NRXN3: variants seen among roughly 807,000 people sequenced by gnomAD.
NRXN3 encodes neurexin III.
Under a neutral mutation model 137.6 loss-of-function variants are expected in NRXN3, and 32 were observed. The observed-to-expected ratio is 0.23, with a 90% CI of 0.18 to 0.31. NRXN3 has a LOEUF of 0.31. NRXN3 is among the 10% of genes least tolerant of loss of function. NRXN3 has a pLI of 1.00. For missense variants in NRXN3, 1,574 were observed against 2,062.5 expected (o/e 0.76, Z 4.59); for synonymous variants, 798 against 784.5 (o/e 1.02, Z -0.29).
chr14:78,255,899 G>C (rs537490470), intron 2 of NRXN3, among the ~76,000 whole-genome samples: 3 of 152,326 alleles, frequency 2.0e-5, no homozygotes, highest in Admixed American at 6.5e-5. Flanking sequence ...AAGTATATCT[G>C]TTGAATAAAT....
chr14:79,766,382 C>T (rs1346988162), intron 19 of NRXN3, among the ~76,000 whole-genome samples: 1 of 152,150 alleles, frequency 6.6e-6, no homozygotes, highest in Non-Finnish European at 1.5e-5. Flanking sequence ...TCTTATGTAT[C>T]AGTGAGTTAT....
intron 15 of NRXN3, among the ~76,000 whole-genome samples, chr14:79,002,576 C>A (rs796469717): frequency 6.6e-6 from 1 of 152,038 alleles, no homozygotes. Flanking sequence ...GCATAGTATT[C>A]CGTGGTGTAT....
intron 15 of NRXN3, among the ~76,000 whole-genome samples, chr14:79,348,378 C>CTCTCTCTTTTTTTTTTTTTTTT (rs535595782): frequency 7.4e-6 from 1 of 135,974 alleles, no homozygotes; most frequent in African/African-American, 2.9e-5. Context: ...AATCTTCTCT[C>CTCTCTCTTTTTTTTTTTTTTTT]TTTTTTTTTT....
chr14:78,584,788 C>A (rs938412519), intron 4 of NRXN3, among the ~76,000 whole-genome samples: 1 of 152,208 alleles, frequency 6.6e-6, no homozygotes. Context: ...AGGCCGTGTT[C>A]TAGCGTCAAA....
intron 15 of NRXN3, among the ~76,000 whole-genome samples, chr14:79,434,864 G>A (rs746335008): frequency 2.0e-5 from 3 of 152,120 alleles, no homozygotes; most frequent in Non-Finnish European, 2.9e-5. Flanking sequence ...TTGCATAAAC[G>A]GATCTGAGTC....
At chr14:79,465,021 C>T (rs2096403392) in intron 15 of NRXN3, among the ~76,000 whole-genome samples, 1 of 152,064 alleles carries the variant, frequency 6.6e-6, no homozygotes. Flanking sequence ...TAGCAGAATC[C>T]ACTATATATT....
intron 1 of NRXN3, among the ~76,000 whole-genome samples, chr14:78,235,027 T>C (rs577638822): frequency 1.0e-3 from 67 of 66,400 alleles, no homozygotes; most frequent in African/African-American, 3.7e-3. Flanking sequence ...TATATATGTG[T>C]ATATATATAT....
intron 15 of NRXN3, among the ~76,000 whole-genome samples, chr14:79,206,989 G>T (rs748505593): frequency 6.6e-6 from 1 of 152,076 alleles, no homozygotes; most frequent in Non-Finnish European, 1.5e-5. Flanking sequence ...ACAGATGTTA[G>T]CCTGTTCACA....
rs1187691942 is a variant in NRXN3 at position 78,653,388 on chromosome 14, T to C, written c.1221+2062T>C. Among the ~76,000 whole-genome samples the C allele has an allele frequency of 3.9e-5, 6 of 152,324 alleles. No homozygotes were observed. In the Middle Eastern group the frequency reaches 0.01, roughly 259 times the overall value. On this transcript the variant is annotated intron_variant, in intron 6 of 20. Transcript: ENST00000335750. ...CATCAGAAAAAGACTGCAACATTCT[T>C]GTTACCAAGGACATGGCTCAGGAAT...
chr14:79,476,339 C>T (rs751780119), intron 16 of NRXN3, among the ~76,000 whole-genome samples: 1 of 151,972 alleles, frequency 6.6e-6, no homozygotes. Flanking sequence ...CAGATAGTAC[C>T]GACAGCCAGA....
At chr14:78,406,734 C>A (rs2092509094) in intron 4 of NRXN3, among the ~76,000 whole-genome samples, 1 of 152,204 alleles carries the variant, frequency 6.6e-6, no homozygotes, top group African/African-American at 2.4e-5. Flanking sequence ...CCAGTGCCCA[C>A]TGATCCCAAA....
At chr14:79,022,301 T>G (rs2099591068) in intron 15 of NRXN3, among the ~76,000 whole-genome samples, 1 of 152,206 alleles carries the variant, frequency 6.6e-6, no homozygotes, top group African/African-American at 2.4e-5. Context: ...GCTAGTACAA[T>G]GTACCATGTG....
intron 15 of NRXN3, among the ~76,000 whole-genome samples, chr14:79,459,528 C>T (rs117501777): frequency 1.3e-5 from 2 of 152,112 alleles, no homozygotes; most frequent in East Asian, 3.9e-4. Flanking sequence ...AAAGCCAGCA[C>T]TGCTAACACT....
chr14:79,034,830 A>G (rs1192321539), intron 15 of NRXN3, among the ~76,000 whole-genome samples: 1 of 152,150 alleles, frequency 6.6e-6, no homozygotes, highest in Non-Finnish European at 1.5e-5. Context: ...TGAGTTTTAT[A>G]CAACATTCTC....
At chr14:79,735,391 C>A (rs1242367013) in intron 19 of NRXN3, among the ~76,000 whole-genome samples, 2 of 152,074 alleles carry the variant, frequency 1.3e-5, no homozygotes, top group Admixed American at 1.3e-4. Flanking sequence ...ATTTTGGAAG[C>A]AAGTCATGGT....
chr14:79,569,030 A>T (rs1326391979), intron 16 of NRXN3, among the ~76,000 whole-genome samples: 1 of 150,724 alleles, frequency 6.6e-6, no homozygotes, highest in African/African-American at 2.4e-5. Flanking sequence ...TCTTAGACTT[A>T]AAAAAAAATG....
At chr14:78,342,205 T>C (rs1191892618) in intron 4 of NRXN3, among the ~76,000 whole-genome samples, 1 of 152,166 alleles carries the variant, frequency 6.6e-6, no homozygotes, top group African/African-American at 2.4e-5. Context: ...CAATAATGAT[T>C]TGGTGACAAC....
At chr14:78,785,880 A>G (rs1450040675) in intron 8 of NRXN3, among the ~76,000 whole-genome samples, 1 of 152,186 alleles carries the variant, frequency 6.6e-6, no homozygotes, top group Non-Finnish European at 1.5e-5. Flanking sequence ...CCTTGATGAA[A>G]CTATATGATA....
At chr14:78,638,377 T>C (rs947653895) in intron 4 of NRXN3, among the ~76,000 whole-genome samples, 1 of 152,156 alleles carries the variant, frequency 6.6e-6, no homozygotes, top group Non-Finnish European at 1.5e-5. Flanking sequence ...AAGAATTTTG[T>C]TGTTTGTCCT....
Sources: allele counts gnomAD v4.1 joint callset (sites outside exome capture counted in the v4.1 genomes callset), GRCh38; gene constraint gnomAD v4.1.1; transcripts MANE v1.5; gene names NCBI Gene and HGNC (gene_info 2026-07-23, HGNC 2026-07-21).